The following GAPDHS variants were observed in gnomAD, a reference collection of about 807,000 sequenced individuals.
The protein encoded by GAPDHS is glyceraldehyde-3-phosphate dehydrogenase, spermatogenic.
In GAPDHS, 42 loss-of-function variants were observed where a neutral mutation model predicts 48.7. That is an observed-to-expected ratio of 0.86 (90% CI 0.67 to 1.12). GAPDHS has a LOEUF of 1.12. GAPDHS is among the 50% of genes most tolerant of loss of function. GAPDHS has a pLI of 0.00. For missense variants in GAPDHS, 512 were observed against 557.7 expected (o/e 0.92, Z 0.82); for synonymous variants, 166 against 219.1 (o/e 0.76, Z 2.14).
At chr19:35,534,904 T>C (rs2071455406) in intron 1 of GAPDHS, among the ~76,000 whole-genome samples, 3 of 137,506 alleles carry the variant, frequency 2.2e-5, no homozygotes, top group African/African-American at 5.6e-5. Context: ...TGCCAAAAAC[T>C]TGGACTCCCA....
chr19:35,544,292 G>A (rs943838476), intron 9 of GAPDHS: 1 of 167,310 alleles, frequency 6.0e-6, no homozygotes, highest in African/African-American at 2.4e-5. Context: ...CTCAGGGCCA[G>A]GCCATGGCCA....
rs1002041920 is a variant in GAPDHS, at chr19:35,543,342, C to T, written c.744C>T (p.Thr248=). The change falls in exon 8 of 11, where the codon ACC becomes ACT. Residue 248 remains threonine, a splice_region_variant and synonymous_variant. Coordinates refer to ENST00000222286, the MANE Select transcript of GAPDHS (RefSeq NM_014364.5). ...TCTTGGTCCTTCTCTTCCCCAAGAC[C>T]ACAGTCCATTCCTACACGGCCACCC... The part of the protein sequence containing the change: ...ERFGIVEGLM[T]TVHSYTATQK... 6.2e-7 allele frequency: 1 copy of T among 1,611,362 alleles called. No homozygotes were observed. The highest frequency in any genetic ancestry group is 1.3e-5 in the African/African-American group (1 of 74,776).
At chr19:35,540,264 G>A (rs1047279964) in intron 4 of GAPDHS, among the ~76,000 whole-genome samples, 2 of 152,228 alleles carry the variant, frequency 1.3e-5, no homozygotes, top group Admixed American at 6.5e-5. Context: ...TGTTGCTCTG[G>A]CATTAGCAGG....
chr19:35,538,538 C>T (rs1221445647), intron 3 of GAPDHS, 39 bp from the exon 4 acceptor site: 4 of 1,382,004 alleles, frequency 2.9e-6, no homozygotes, highest in Admixed American at 3.4e-5. Flanking sequence ...GATCCTCACC[C>T]TGCCACCCCA....
In GAPDHS at chr19:35,542,514, C is replaced by T. The variant is rs768104912; in HGVS notation, c.565C>T (p.Arg189Cys). The T allele has an allele frequency of 5.0e-6, 8 of 1,613,708 alleles. No individual in the cohort carries two copies. The highest frequency in any genetic ancestry group is 1.1e-5 in the South Asian group (1 of 91,074). ...ASDHISAGAQRVVISAPSPDA... is the reference protein window; with the variant it reads ...ASDHISAGAQCVVISAPSPDA... The stretch of plus-strand genomic sequence containing the variant: ...GGACCACATCTCTGCAGGTGCTCAA[C>T]GTGTGGTCATCTCCGCGCCCTCACC... The change falls in exon 6 of 11, where the codon CGT (arginine) becomes TGT (cysteine). Residue 189 changes from arginine to cysteine, a missense_variant. Physicochemically the swap from Arg to Cys is radical, Grantham distance 180. Transcript: ENST00000222286.
Position 35,544,734 on chromosome 19 carries a change from T to A in GAPDHS, c.1057-175T>A, listed in dbSNP as rs918387134. On this transcript the variant is annotated intron_variant, in intron 9 of 10. Coordinates refer to ENST00000222286, the MANE Select transcript of GAPDHS (RefSeq NM_014364.5). The stretch of plus-strand genomic sequence containing the variant: ...TTTGGCCAGACCCTGACACAGTGCC[T>A]TGGTCATACCCTGCACTTGGTCATA... The A allele has an allele frequency of 1.3e-5, 8 of 624,458 alleles. No homozygotes were observed. In the African/African-American group the frequency reaches 1.5e-4, roughly 11 times the overall value. 38.7% of individuals were successfully genotyped at this position (624,458 alleles called of 1,614,324 possible). A position where few individuals can be genotyped will look rare whatever the true frequency, so the allele number is the denominator to read the frequency against.
intron 9 of GAPDHS, 109 bp from the exon 10 acceptor site, chr19:35,544,800 A>G: frequency 1.3e-6 from 1 of 753,942 alleles, no homozygotes. Flanking sequence ...GCTACATCAA[A>G]TATTATAGAT....
At chr19:35,542,724 A>C in intron 6 of GAPDHS, 116 bp downstream of exon 6, 2 of 820,272 alleles carry the variant, frequency 2.4e-6, no homozygotes, top group Non-Finnish European at 4.1e-6. Context: ...TCCCGAAACT[A>C]TCTGCTAAAA....
intron 6 of GAPDHS, 83 bp from the exon 7 acceptor site, chr19:35,542,862 G>A (rs1309915563): frequency 2.5e-5 from 25 of 1,017,366 alleles, no homozygotes; most frequent in Non-Finnish European, 3.6e-5. Context: ...CCAAGTCTGC[G>A]TGCATACCCC....
intron 9 of GAPDHS, chr19:35,544,126 CAT>C (rs764197243): frequency 2.1e-5 from 7 of 332,206 alleles, no homozygotes; most frequent in Admixed American, 9.1e-5. Flanking sequence ...AATTTCATTT[CAT>C]AGTCACTGTT....
At chr19:35,541,995 A>G (rs1423087096) in intron 4 of GAPDHS, 2 of 351,438 alleles carry the variant, frequency 5.7e-6, no homozygotes, top group Non-Finnish European at 5.4e-6. Flanking sequence ...CAGCATATGG[A>G]GAAAGGGTCT....
intron 1 of GAPDHS, among the ~76,000 whole-genome samples, chr19:35,534,724 A>G (rs1444387280): frequency 6.6e-6 from 1 of 152,088 alleles, no homozygotes; most frequent in Non-Finnish European, 1.5e-5. Context: ...AACATCCTCA[A>G]GTTCACCAAT....
chr19:35,543,644 TC>T lies in GAPDHS; in HGVS notation c.894-19del, dbSNP rs771735439. The T allele has an allele frequency of 6.2e-7, 1 of 1,611,414 alleles. No homozygotes were observed. The highest frequency in any genetic ancestry group is 1.1e-5 in the South Asian group (1 of 90,734). On this transcript the variant is annotated intron_variant, in intron 8 of 10. Transcript: ENST00000222286. ...AACGTCCCTAAGTTCTGACTCCTGT[TC>T]CTCATGGGGGATTCTCCAGGAAGCT...
Position 35,533,580 on chromosome 19 carries a change from G to C in GAPDHS, c.53G>C (p.Arg18Pro). Reference sequence around the variant, plus strand: ...AATGTCACCGTTGTCCAGTTGCTGCGACAGCCGTGCCCGGGTGAGGGAGGC... The same window carrying C: ...AATGTCACCGTTGTCCAGTTGCTGCCACAGCCGTGCCCGGGTGAGGGAGGC... The part of the protein sequence containing the change: ...LTNVTVVQLL[R>P]QPCPVTRAPP... The change falls in exon 1 of 11, where the codon CGA (arginine) becomes CCA (proline). Residue 18 changes from arginine (R) to proline (P), a missense_variant. Coordinates refer to ENST00000222286, the MANE Select transcript of GAPDHS (RefSeq NM_014364.5). The C allele has an allele frequency of 6.2e-7, 1 of 1,612,364 alleles. No individual in the cohort carries two copies. The highest frequency in any genetic ancestry group is 8.5e-7 in the Non-Finnish European group (1 of 1,179,562).
chr19:35,545,245 C>A lies in GAPDHS; in HGVS notation c.*75C>A. The stretch of plus-strand genomic sequence containing the variant: ...GCCTCCCGTTCCAGCATCTGGCTGC[C>A]CGGGGGAGGAAGGACACCCGGGGCG... On this transcript the variant is annotated 3_prime_UTR_variant, in exon 11 of 11. Transcript: ENST00000222286. 2 of 1,289,112 alleles carry A rather than the reference C, an allele frequency of 1.6e-6. No individual in the cohort carries two copies. The highest frequency in any genetic ancestry group is 2.3e-6 in the Non-Finnish European group (2 of 885,760). The allele number at this position is 1,289,112 out of a possible 1,614,324, so 79.9% of individuals were successfully genotyped here.
At chr19:35,539,787 A>G (rs1048620131) in intron 4 of GAPDHS, among the ~76,000 whole-genome samples, 12 of 152,120 alleles carry the variant, frequency 7.9e-5, no homozygotes, top group African/African-American at 2.9e-4. Context: ...TGCTTAACCC[A>G]AGTTTGAAAT....
chr19:35,534,100 G>A (rs1196721074), intron 1 of GAPDHS, among the ~76,000 whole-genome samples: 1 of 152,232 alleles, frequency 6.6e-6, no homozygotes, highest in Non-Finnish European at 1.5e-5. Flanking sequence ...GAAGGCCAGA[G>A]TGTGCCCGCA....
In GAPDHS at chr19:35,536,957, C is replaced by T. The variant is rs1204682318; in HGVS notation, c.212C>T (p.Ser71Phe). Residue 71 changes from serine (S) to phenylalanine (F), a missense_variant, in exon 2 of 11, where the codon TCT (serine) becomes TTT (phenylalanine). Physicochemically the swap from Ser to Phe is radical, Grantham distance 155 (BLOSUM62 -2). Coordinates refer to ENST00000222286, the MANE Select transcript of GAPDHS (RefSeq NM_014364.5). ...GCTACTCCTCCTCCTAAGATGGTGT[C>T]TGTGGCCCGGGAGCTGACTGTGGGC... ...HPATPPPKMVSVARELTVGIN... is the reference protein window; with the variant it reads ...HPATPPPKMVFVARELTVGIN... The T allele has an allele frequency of 1.2e-6, 2 of 1,614,096 alleles. No individual in the cohort carries two copies. Among genetic ancestry groups the T allele is most frequent in the South Asian group, 2.2e-5 (2 of 91,066 alleles).
At chr19:35,537,179 A>G (rs374140208) in intron 2 of GAPDHS, among the ~76,000 whole-genome samples, 189 bp downstream of exon 2, 18 of 152,332 alleles carry the variant, frequency 1.2e-4, no homozygotes, top group African/African-American at 4.3e-4. Context: ...GACAGTAATC[A>G]AATAAAGAAA....
Sources: allele counts gnomAD v4.1 joint callset (sites outside exome capture counted in the v4.1 genomes callset), GRCh38; gene constraint gnomAD v4.1.1; transcripts MANE v1.5; gene names NCBI Gene and HGNC (gene_info 2026-07-23, HGNC 2026-07-21).